WWOX: variants seen among roughly 807,000 people sequenced by gnomAD.
The protein encoded by WWOX is WW domain-containing oxidoreductase.
A neutral mutation model predicts 46.2 loss-of-function variants in WWOX; 69 were observed. That is an observed-to-expected ratio of 1.49 (90% CI 1.23 to 1.82). The LOEUF (loss-of-function observed/expected upper bound fraction) is 1.82. Among genes scored for constraint, WWOX ranks in the 40% most tolerant of loss-of-function variants. The pLI is 0.00. For missense variants in WWOX, 919 were observed against 542.6 expected, an observed-to-expected ratio of 1.69 and a Z score of -6.89; for synonymous variants, 359 against 202.6, an observed-to-expected ratio of 1.77 and a Z score of -6.56.
At chr16:78,937,108 C>T (rs988283738) in intron 8 of WWOX, among the ~76,000 whole-genome samples, 1 of 152,160 alleles carries the variant, frequency 6.6e-6, no homozygotes, top group Non-Finnish European at 1.5e-5. Context: ...AATTCCTTCT[C>T]AGCAATCATT....
intron 5 of WWOX, among the ~76,000 whole-genome samples, chr16:78,231,326 T>A (rs562235597): frequency 2.5e-4 from 38 of 152,220 alleles, no homozygotes; most frequent in Non-Finnish European, 3.8e-4. Flanking sequence ...AAAATGTATA[T>A]TACTATGCAT....
intron 8 of WWOX, among the ~76,000 whole-genome samples, chr16:78,888,374 C>T (rs941599592): frequency 6.6e-6 from 1 of 152,144 alleles, no homozygotes; most frequent in Non-Finnish European, 1.5e-5. Context: ...AGAGGCAGCT[C>T]CCTTGGCCCT....
intron 8 of WWOX, among the ~76,000 whole-genome samples, chr16:78,838,134 A>C (rs979582306): frequency 6.6e-6 from 1 of 151,908 alleles, no homozygotes; most frequent in Non-Finnish European, 1.5e-5. Context: ...TCCTCCTTCA[A>C]CTCTGTCAGG....
chr16:79,065,875 C>T (rs546840040), intron 8 of WWOX, among the ~76,000 whole-genome samples: 3 of 152,318 alleles, frequency 2.0e-5, no homozygotes, highest in African/African-American at 7.2e-5. Context: ...CTCTTATGGT[C>T]ACAATTTCAC....
intron 5 of WWOX, among the ~76,000 whole-genome samples, chr16:78,320,096 C>G (rs867552677): frequency 1.3e-5 from 2 of 152,150 alleles, no homozygotes; most frequent in South Asian, 2.1e-4. Flanking sequence ...AGGCTGGAAA[C>G]TGCATGAGGG....
intron 5 of WWOX, among the ~76,000 whole-genome samples, chr16:78,164,674 C>T (rs1457630357): frequency 6.6e-6 from 1 of 152,158 alleles, no homozygotes; most frequent in East Asian, 1.9e-4. Flanking sequence ...TTTTCTCTGT[C>T]TATGTAGAAG....
At chr16:78,149,578 C>G (rs573243328) in intron 4 of WWOX, among the ~76,000 whole-genome samples, 248 of 152,248 alleles carry the variant, frequency 1.6e-3, no homozygotes, top group Non-Finnish European at 3.0e-3. Context: ...GGGATTACAC[C>G]GAAGGGAGCA....
At chr16:78,251,844 A>C (rs2037992750) in intron 5 of WWOX, among the ~76,000 whole-genome samples, 1 of 152,200 alleles carries the variant, frequency 6.6e-6, no homozygotes, top group South Asian at 2.1e-4. Flanking sequence ...GTTGGAAATT[A>C]ATGGGGAAGG....
intron 8 of WWOX, among the ~76,000 whole-genome samples, chr16:79,151,157 C>T (rs560525226): frequency 1.1e-4 from 16 of 152,300 alleles, no homozygotes; most frequent in Admixed American, 5.9e-4. Flanking sequence ...CTCCTGCTTT[C>T]CATATGTTAT....
At position 78,821,239 on chromosome 16, in the gene WWOX, C is replaced by G. The variant is rs1371261763; in HGVS notation, c.1056+388487C>G. Among the ~76,000 whole-genome samples the G allele has an allele frequency of 4.6e-5, 7 of 152,198 alleles. No individual in the cohort carries two copies. The South Asian group carries it at 1.5e-3, about 32-fold the overall frequency. ...CCTGCATGTTGAGCATCGTCTGTTA[C>G]CTGAAGAGCAGAAGGATGATAAAAG... On this transcript the variant is annotated intron_variant, in intron 8 of 8. Transcript: ENST00000566780.
chr16:78,325,711 GTT>G (rs974970254), intron 5 of WWOX, among the ~76,000 whole-genome samples: 2 of 152,206 alleles, frequency 1.3e-5, no homozygotes, highest in African/African-American at 4.8e-5. Flanking sequence ...GTCACCCTGT[GTT>G]TTTCATGGGA....
intron 8 of WWOX, among the ~76,000 whole-genome samples, chr16:78,492,196 T>G (rs1188467702): frequency 6.7e-6 from 1 of 149,712 alleles, no homozygotes; most frequent in Non-Finnish European, 1.5e-5. Flanking sequence ...GGTGACAGTG[T>G]GTGCACAGTT....
Position 78,325,920 on chromosome 16 carries a change from C to T in WWOX, c.517-60940C>T, listed in dbSNP as rs140813798. ...ATTAAAGGCTATGAAATGATGCCCA[C>T]TGTGGATCCTGTGCCTGGTGCTCAG... On this transcript the variant is annotated intron_variant, in intron 5 of 8. Transcript: ENST00000566780. Among the ~76,000 whole-genome samples the T allele has an allele frequency of 2.6e-5, 4 of 152,364 alleles. No individual in the cohort carries two copies. The East Asian group carries it at 7.7e-4, about 29-fold the overall frequency.
intron 8 of WWOX, among the ~76,000 whole-genome samples, chr16:78,747,358 A>C (rs1468351801): frequency 4.0e-5 from 6 of 151,738 alleles, no homozygotes; most frequent in Non-Finnish European, 1.5e-5. Context: ...CACCTGTCTA[A>C]TTTCTTATCT....
At chr16:78,656,662 G>A (rs1349815387) in intron 8 of WWOX, among the ~76,000 whole-genome samples, 1 of 152,134 alleles carries the variant, frequency 6.6e-6, no homozygotes, top group East Asian at 1.9e-4. Context: ...CCAACATTGG[G>A]GATTGCAGTT....
At chr16:78,578,451 G>C (rs2044960491) in intron 8 of WWOX, among the ~76,000 whole-genome samples, 1 of 150,396 alleles carries the variant, frequency 6.6e-6, no homozygotes, top group Non-Finnish European at 1.5e-5. Context: ...CACCATGCCT[G>C]GCTAATTTTA....
chr16:78,960,065 C>G (rs2046244034), intron 8 of WWOX, among the ~76,000 whole-genome samples: 1 of 152,148 alleles, frequency 6.6e-6, no homozygotes, highest in Non-Finnish European at 1.5e-5. Flanking sequence ...GTGGGACAGA[C>G]TAAATGGCTA....
At chr16:78,971,602 A>C (rs1410745741) in intron 8 of WWOX, among the ~76,000 whole-genome samples, 1 of 152,120 alleles carries the variant, frequency 6.6e-6, no homozygotes, top group East Asian at 1.9e-4. Context: ...AGAGCATAAG[A>C]AAAAGGAAGG....
chr16:78,843,512 C>G (rs771218716), intron 8 of WWOX, among the ~76,000 whole-genome samples: 5 of 150,010 alleles, frequency 3.3e-5, no homozygotes, highest in Non-Finnish European at 6.0e-5. Context: ...GCAACAAACC[C>G]ACAAATGACA....
Sources: gnomAD v4.1 joint callset for allele counts (sites outside exome capture counted in the v4.1 genomes callset) on GRCh38, gnomAD v4.1.1 for gene constraint, MANE v1.5 for transcripts, NCBI Gene and HGNC (gene_info 2026-07-23, HGNC 2026-07-21) for gene names.